Variants in ME1 observed in about 807,000 individuals in gnomAD.
ME1 encodes the protein malic enzyme 1.
A neutral mutation model predicts 66.4 loss-of-function variants in ME1; 74 were observed. That is an observed-to-expected ratio of 1.11 (90% CI 0.92 to 1.35). The LOEUF is 1.35. ME1 is among the 40% of genes most tolerant of loss of function. The pLI is 0.00. For missense variants in ME1, 750 were observed against 694.1 expected (o/e 1.08, Z -0.90); for synonymous variants, 251 against 235.6 (o/e 1.07, Z -0.60).
At chr6:83,229,205 T>C (rs1278737859) in intron 9 of ME1, 15 of 499,496 alleles carry the variant, frequency 3.0e-5, no homozygotes, top group African/African-American at 5.9e-5. Context: ...TTTACAGACA[T>C]GTGAGAACTA....
Position 83,373,338 on chromosome 6 carries a change from C to T in ME1, c.363-21199G>A, listed in dbSNP as rs1356976047. 1.1e-4 allele frequency among the ~76,000 whole-genome samples: 17 copies of T among 151,934 alleles called. 1 individual carries two copies. The highest frequency in any genetic ancestry group is 2.7e-4 in the African/African-American group (11 of 41,364). On this transcript the variant is annotated intron_variant, in intron 3 of 13. Coordinates refer to ENST00000369705, the MANE Select transcript of ME1 (RefSeq NM_002395.6). ...GCAACCCGTACCTCCCGGGTTTAAGCGATGCTCCTGCCTCAGCCTCCCCAG... is the reference window on the plus strand; with the variant it reads ...GCAACCCGTACCTCCCGGGTTTAAGTGATGCTCCTGCCTCAGCCTCCCCAG...
intron 6 of ME1, among the ~76,000 whole-genome samples, chr6:83,311,329 A>C (rs890830506): frequency 2.0e-5 from 3 of 152,188 alleles, no homozygotes; most frequent in Non-Finnish European, 2.9e-5. Flanking sequence ...ACCTAGGAAA[A>C]GGGAGAGCTT....
At chr6:83,242,929 A>C (rs114484785) in intron 7 of ME1, among the ~76,000 whole-genome samples, 3,021 of 152,112 alleles carry the variant, frequency 0.02, 94 homozygotes, top group African/African-American at 0.067. Flanking sequence ...AGTAGGGATA[A>C]AGGAGAGGGT....
intron 6 of ME1, among the ~76,000 whole-genome samples, chr6:83,256,150 G>A (rs1056807269): frequency 2.0e-5 from 3 of 152,046 alleles, no homozygotes; most frequent in Non-Finnish European, 4.4e-5. Context: ...ACTGTTCTGT[G>A]CCTCTGATTT....
intron 3 of ME1, among the ~76,000 whole-genome samples, chr6:83,361,972 G>C (rs1769013959): frequency 6.6e-6 from 1 of 152,198 alleles, no homozygotes; most frequent in Admixed American, 6.5e-5. Flanking sequence ...ATGGCCTCAT[G>C]AGGAGTTCCC....
intron 5 of ME1, among the ~76,000 whole-genome samples, chr6:83,344,621 C>A (rs912963907): frequency 6.6e-6 from 1 of 152,012 alleles, no homozygotes; most frequent in Non-Finnish European, 1.5e-5. Context: ...CGGTGGCTCA[C>A]GCCGGTAATC....
intron 12 of ME1, among the ~76,000 whole-genome samples, chr6:83,218,723 T>C (rs563116888): frequency 1.3e-5 from 2 of 152,344 alleles, no homozygotes; most frequent in South Asian, 2.1e-4. Context: ...CCCTTTTCCA[T>C]GCCCTTCCTT....
chr6:83,392,075 T>C (rs549742101), intron 3 of ME1, among the ~76,000 whole-genome samples: 7 of 152,348 alleles, frequency 4.6e-5, no homozygotes, highest in South Asian at 4.1e-4. Context: ...CCATCTAATA[T>C]AGTAAAAGCT....
intron 3 of ME1, among the ~76,000 whole-genome samples, chr6:83,359,782 A>G (rs1222445393): frequency 6.6e-6 from 1 of 152,200 alleles, no homozygotes; most frequent in Non-Finnish European, 1.5e-5. Flanking sequence ...GGTAGCACCT[A>G]CATCTTTGAA....
chr6:83,344,126 G>C (rs1768641509), intron 5 of ME1, among the ~76,000 whole-genome samples: 2 of 150,004 alleles, frequency 1.3e-5, no homozygotes, highest in African/African-American at 4.9e-5. Context: ...AAAAAAAAAG[G>C]TTAAAAAAAA....
In ME1 at chr6:83,257,606, G is replaced by A. The variant is rs544983483; in HGVS notation, c.705-3868C>T. Among the ~76,000 whole-genome samples, 17 of 152,208 alleles carry A rather than the reference G, an allele frequency of 1.1e-4. No individual in the cohort carries two copies. In the South Asian group the frequency reaches 2.7e-3, roughly 24 times the overall value. On this transcript the variant is annotated intron_variant, in intron 6 of 13. Coordinates refer to ENST00000369705, the MANE Select transcript of ME1 (RefSeq NM_002395.6). ...TTCTACTCCTTTTATGTATGATGCC[G>A]TTTATCCTCCAAGGAAACACTTTAG...
intron 9 of ME1, among the ~76,000 whole-genome samples, chr6:83,233,723 A>C (rs914689892): frequency 5.2e-4 from 79 of 151,678 alleles, no homozygotes; most frequent in African/African-American, 1.9e-3. Flanking sequence ...ATAAGTTAAT[A>C]AAATTAATAA....
intron 7 of ME1, among the ~76,000 whole-genome samples, chr6:83,248,765 C>T (rs1015999847): frequency 1.3e-5 from 2 of 152,170 alleles, no homozygotes; most frequent in Non-Finnish European, 2.9e-5. Flanking sequence ...TTGTAAGTTT[C>T]CTGAGGCCTC....
At chr6:83,253,540 G>A in intron 7 of ME1, 89 bp downstream of exon 7, 2 of 704,708 alleles carry the variant, frequency 2.8e-6, no homozygotes, top group East Asian at 2.5e-5. Flanking sequence ...AAGGTACTCA[G>A]TATATATTGA....
At chr6:83,367,887 T>C (rs1164708429) in intron 3 of ME1, among the ~76,000 whole-genome samples, 1 of 152,226 alleles carries the variant, frequency 6.6e-6, no homozygotes. Flanking sequence ...ACAACTTGGA[T>C]AACAGTTTGG....
intron 3 of ME1, among the ~76,000 whole-genome samples, chr6:83,354,271 C>A (rs563412639): frequency 6.6e-6 from 1 of 152,124 alleles, no homozygotes; most frequent in African/African-American, 2.4e-5. Flanking sequence ...GGATTACAGG[C>A]GCCTGCCACC....
At chr6:83,243,816 TTTATATAATATA>T in intron 7 of ME1, among the ~76,000 whole-genome samples, 1 of 135,138 alleles carries the variant, frequency 7.4e-6, no homozygotes, top group African/African-American at 2.8e-5. Context: ...ATATATTATA[TTTATATAATATA>T]ATATATAATA....
chr6:83,423,853 A>AAT (rs1310802249), intron 1 of ME1, among the ~76,000 whole-genome samples: 1 of 152,156 alleles, frequency 6.6e-6, no homozygotes. Context: ...CCACACCTAT[A>AAT]ATACCAGCAC....
intron 5 of ME1, among the ~76,000 whole-genome samples, chr6:83,328,415 T>C (rs1251577554): frequency 6.6e-6 from 1 of 152,220 alleles, no homozygotes; most frequent in East Asian, 1.9e-4. Flanking sequence ...TATACCTATG[T>C]AACAAAGCTG....
Sources: gnomAD v4.1 joint callset for allele counts (sites outside exome capture counted in the v4.1 genomes callset) on GRCh38, gnomAD v4.1.1 for gene constraint, MANE v1.5 for transcripts, NCBI Gene and HGNC (gene_info 2026-07-23, HGNC 2026-07-21) for gene names.